Variants in SPATA16 observed in about 807,000 individuals in gnomAD.
SPATA16 encodes spermatogenesis associated 16.
A neutral mutation model predicts 63.3 loss-of-function variants in SPATA16; 36 were observed. The ratio of observed to expected loss-of-function variants is 0.57; its 90% confidence interval spans 0.44 to 0.75. The LOEUF (loss-of-function observed/expected upper bound fraction) is 0.75. Ranked by LOEUF, SPATA16 falls within the 30% of genes least tolerant of loss-of-function variation. The probability of loss-of-function intolerance (pLI) is 0.00; values close to 1 mark genes in which losing one functional copy is unlikely to be tolerated. For missense variants in SPATA16, 646 were observed against 679.3 expected, an observed-to-expected ratio of 0.95 and a Z score of 0.54; for synonymous variants, 203 against 216.7, an observed-to-expected ratio of 0.94 and a Z score of 0.56.
intron 1 of SPATA16, among the ~76,000 whole-genome samples, chr3:173,132,986 C>T (rs1738426366): frequency 6.6e-6 from 1 of 152,058 alleles, no homozygotes; most frequent in African/African-American, 2.4e-5. Context: ...GAAAGCTACA[C>T]CTTAAATATG....
chr3:173,053,240 C>G (rs1029047594), intron 2 of SPATA16, among the ~76,000 whole-genome samples: 20 of 152,102 alleles, frequency 1.3e-4, no homozygotes, highest in Non-Finnish European at 1.9e-4. Flanking sequence ...CCTGTATTCC[C>G]AGCTACTAGG....
intron 10 of SPATA16, among the ~76,000 whole-genome samples, chr3:172,906,773 G>A (rs1435642316): frequency 1.3e-5 from 2 of 151,826 alleles, no homozygotes; most frequent in African/African-American, 2.4e-5. Flanking sequence ...ACAAAGTCTC[G>A]CTCTGTTGCC....
At chr3:172,892,568 G>A (rs902678960) in intron 10 of SPATA16, among the ~76,000 whole-genome samples, 2 of 152,160 alleles carry the variant, frequency 1.3e-5, no homozygotes, top group African/African-American at 2.4e-5. Context: ...ACTTACTGAC[G>A]TGTAGGAGAG....
At chr3:173,070,533 G>C (rs1224583496) in intron 2 of SPATA16, among the ~76,000 whole-genome samples, 1 of 152,070 alleles carries the variant, frequency 6.6e-6, no homozygotes, top group African/African-American at 2.4e-5. Context: ...ACTAGCCTTA[G>C]TTGCATGTGA....
intron 6 of SPATA16, among the ~76,000 whole-genome samples, chr3:172,945,107 C>A (rs2109608291): frequency 6.6e-6 from 1 of 152,188 alleles, no homozygotes; most frequent in Non-Finnish European, 1.5e-5. Flanking sequence ...CTATACAATA[C>A]TTTTAATGTT....
At chr3:173,041,368 G>A (rs1577144723) in intron 3 of SPATA16, among the ~76,000 whole-genome samples, 1 of 152,272 alleles carries the variant, frequency 6.6e-6, no homozygotes, top group Admixed American at 6.5e-5. Flanking sequence ...AAGTAAGTAG[G>A]AAGAAACATT....
chr3:172,980,128 G>A (rs1734264198), intron 4 of SPATA16, among the ~76,000 whole-genome samples: 1 of 152,180 alleles, frequency 6.6e-6, no homozygotes, highest in Non-Finnish European at 1.5e-5. Flanking sequence ...GAAATGATAT[G>A]AAAAGTGCAT....
At chr3:173,070,952 A>G (rs1465407837) in intron 2 of SPATA16, among the ~76,000 whole-genome samples, 1 of 152,196 alleles carries the variant, frequency 6.6e-6, no homozygotes, top group South Asian at 2.1e-4. Flanking sequence ...ACAGAAATAT[A>G]AAAAACAATT....
rs182425566 is a variant in SPATA16, at chr3:172,944,443, G to A, written c.1081+12234C>T. Among the ~76,000 whole-genome samples, 4 of 152,240 alleles carry A rather than the reference G, an allele frequency of 2.6e-5. No individual in the cohort carries two copies. In the East Asian group the frequency reaches 7.7e-4, roughly 29 times the overall value. On this transcript the variant is annotated intron_variant, in intron 6 of 10. Coordinates refer to ENST00000351008, the MANE Select transcript of SPATA16 (RefSeq NM_031955.6). ...AAATGGTGTGGCCACTACAAGAAAT[G>A]ACATGACACCTACTCAAAAAATTAA...
intron 3 of SPATA16, among the ~76,000 whole-genome samples, chr3:173,047,321 C>T (rs138445377): frequency 2.2e-4 from 33 of 151,494 alleles, no homozygotes; most frequent in African/African-American, 5.8e-4. Flanking sequence ...TTATTAAATA[C>T]GATTCAAAAA....
intron 3 of SPATA16, among the ~76,000 whole-genome samples, chr3:173,036,566 T>C (rs1246200549): frequency 3.9e-5 from 6 of 152,026 alleles, no homozygotes; most frequent in African/African-American, 1.4e-4. Flanking sequence ...GAGTACAACA[T>C]TGATTGATAT....
chr3:172,915,106 A>AT (rs1732450724), intron 9 of SPATA16, among the ~76,000 whole-genome samples: 1 of 152,170 alleles, frequency 6.6e-6, no homozygotes, highest in Admixed American at 6.5e-5. Flanking sequence ...TATACTTCTG[A>AT]GTGCCTTATG....
intron 2 of SPATA16, among the ~76,000 whole-genome samples, chr3:173,082,370 G>GA (rs1736943666): frequency 6.6e-6 from 1 of 152,148 alleles, no homozygotes; most frequent in Non-Finnish European, 1.5e-5. Context: ...ATGACTGTGG[G>GA]AAGAAATGGC....
At chr3:173,094,043 C>CTTTT (rs11351279) in intron 2 of SPATA16, among the ~76,000 whole-genome samples, 46 of 144,368 alleles carry the variant, frequency 3.2e-4, no homozygotes, top group African/African-American at 1.1e-3. Flanking sequence ...ATTCCTTTTT[C>CTTTT]TTTTTTTTTT....
intron 3 of SPATA16, among the ~76,000 whole-genome samples, chr3:173,031,163 G>A (rs752791960): frequency 1.3e-5 from 2 of 151,722 alleles, no homozygotes; most frequent in Non-Finnish European, 2.9e-5. Flanking sequence ...CCTGCACAAC[G>A]TGAAAGTACT....
At chr3:173,032,619 A>G (rs533342654) in intron 3 of SPATA16, among the ~76,000 whole-genome samples, 2 of 152,300 alleles carry the variant, frequency 1.3e-5, no homozygotes, top group East Asian at 3.9e-4. Flanking sequence ...AAGGAGTATT[A>G]CCAGTTAACA....
At chr3:173,102,065 A>G (rs532773144) in intron 2 of SPATA16, among the ~76,000 whole-genome samples, 2 of 152,218 alleles carry the variant, frequency 1.3e-5, no homozygotes, top group Admixed American at 6.5e-5. Flanking sequence ...ACTGCAGTTT[A>G]TTTTCATGTA....
In SPATA16 at chr3:172,924,300, C is replaced by A. The variant is rs201735869; in HGVS notation, c.1246G>T (p.Gly416Cys). Residue 416 changes from glycine to cysteine, a missense_variant, in exon 8 of 11, where the codon GGT becomes TGT. Coordinates refer to ENST00000351008, the MANE Select transcript of SPATA16 (RefSeq NM_031955.6). ...PIFTEHKTPF[G>C]LTREDTVRQM... is the part of the protein sequence containing the mutation. The stretch of plus-strand genomic sequence containing the variant: ...CTCACTGTATCTTCTCTGGTCAGAC[C>A]GAAAGGTGTTTTATGCTCTAAAAAT... 4.3e-6 allele frequency: 7 copies of A among 1,612,714 alleles called. No individual in the cohort carries two copies. In the Admixed American group the frequency reaches 6.7e-5, roughly 15 times the overall value.
intron 2 of SPATA16, among the ~76,000 whole-genome samples, chr3:173,090,624 C>T (rs185657484): frequency 6.6e-6 from 1 of 152,236 alleles, no homozygotes; most frequent in East Asian, 1.9e-4. Context: ...ATTGAAAATG[C>T]AGGTTTTCTG....
Sources: allele counts gnomAD v4.1 joint callset (sites outside exome capture counted in the v4.1 genomes callset), GRCh38; gene constraint gnomAD v4.1.1; transcripts MANE v1.5; gene names NCBI Gene and HGNC (gene_info 2026-07-23, HGNC 2026-07-21).